The following NUDCD3 variants were observed in gnomAD, a reference collection of about 807,000 sequenced individuals.
NUDCD3 encodes the protein NudC domain containing 3.
Under a neutral mutation model 39.7 loss-of-function variants are expected in NUDCD3, and 13 were observed. The observed-to-expected ratio is 0.33, with a 90% confidence interval of 0.21 to 0.52. The LOEUF (loss-of-function observed/expected upper bound fraction) is 0.52. Ranked by LOEUF, NUDCD3 falls within the 20% of genes least tolerant of loss-of-function variation. NUDCD3 has a pLI of 0.96. For synonymous variants in NUDCD3, 175 were observed against 172.4 expected, an observed-to-expected ratio of 1.02 and a Z score of -0.12; for missense variants, 453 against 458.1, an observed-to-expected ratio of 0.99 and a Z score of 0.10.
In NUDCD3 at chr7:44,384,549, C is replaced by T. The variant is rs1798367581; in HGVS notation, c.*1462G>A. 1 of 152,290 alleles carries T rather than the reference C, an allele frequency of 6.6e-6. No homozygotes were observed. The highest frequency in any genetic ancestry group is 2.4e-5 in the African/African-American group (1 of 41,458). 9.4% of individuals were successfully genotyped at this position (152,290 alleles called of 1,614,324 possible). Reference sequence around the variant, plus strand: ...TTCTTACAAGGGGTGTCAGCCACCACTGTAAACCAGAAACAAACCACAAAC... The same window carrying T: ...TTCTTACAAGGGGTGTCAGCCACCATTGTAAACCAGAAACAAACCACAAAC... On this transcript the variant is annotated 3_prime_UTR_variant, in exon 6 of 6. Transcript: ENST00000355451.
rs899153630 is a variant in NUDCD3 at position 44,486,288 on chromosome 7, G to A, written c.193-1004C>T. On this transcript the variant is annotated intron_variant, in intron 1 of 5. Coordinates refer to ENST00000355451, the MANE Select transcript of NUDCD3 (RefSeq NM_015332.4). ...TAAATAACAATGTTCTGTGCACTGC[G>A]CGGGCAGTCAAAAGGGTGCTAACAG... Among the ~76,000 whole-genome samples the A allele has an allele frequency of 2.6e-5, 4 of 152,196 alleles. No individual in the cohort carries two copies. In the East Asian group the frequency reaches 5.8e-4, roughly 22 times the overall value.
chr7:44,479,851 G>T (rs1307518799), intron 2 of NUDCD3, among the ~76,000 whole-genome samples: 1 of 152,158 alleles, frequency 6.6e-6, no homozygotes, highest in Non-Finnish European at 1.5e-5. Context: ...TGCAGCTAAA[G>T]GTAGAACAAG....
intron 1 of NUDCD3, among the ~76,000 whole-genome samples, chr7:44,487,949 T>C (rs925486066): frequency 6.6e-6 from 1 of 150,570 alleles, no homozygotes; most frequent in Non-Finnish European, 1.5e-5. Flanking sequence ...TGAGACTCCA[T>C]CTCAAAAATA....
intron 4 of NUDCD3, among the ~76,000 whole-genome samples, chr7:44,402,079 C>A (rs749597538): frequency 3.0e-4 from 45 of 152,236 alleles, no homozygotes; most frequent in Non-Finnish European, 5.3e-4. Flanking sequence ...CAGGTCTGAG[C>A]CTTCTCCAGA....
intron 2 of NUDCD3, among the ~76,000 whole-genome samples, chr7:44,452,808 C>G (rs1024871730): frequency 3.9e-5 from 6 of 152,214 alleles, no homozygotes; most frequent in Non-Finnish European, 7.3e-5. Flanking sequence ...AGAACTCACA[C>G]ACACAAAAGG....
At chr7:44,444,514 T>A (rs1360741066) in intron 2 of NUDCD3, among the ~76,000 whole-genome samples, 1 of 152,160 alleles carries the variant, frequency 6.6e-6, no homozygotes, top group Non-Finnish European at 1.5e-5. Context: ...CTCAACAAAC[T>A]CGAGTTTGCT....
intron 3 of NUDCD3, among the ~76,000 whole-genome samples, chr7:44,409,113 A>C (rs1798878252): frequency 6.6e-6 from 1 of 152,204 alleles, no homozygotes; most frequent in Non-Finnish European, 1.5e-5. Flanking sequence ...AAAAGCTTTG[A>C]CATTTTCCCA....
At chr7:44,470,870 G>A (rs1169652585) in intron 2 of NUDCD3, among the ~76,000 whole-genome samples, 3 of 152,222 alleles carry the variant, frequency 2.0e-5, no homozygotes, top group Non-Finnish European at 4.4e-5. Flanking sequence ...ACAACTCTGA[G>A]TTGCCCTAAG....
At chr7:44,480,979 GAAAA>G (rs781601614) in intron 2 of NUDCD3, among the ~76,000 whole-genome samples, 1 of 88,800 alleles carries the variant, frequency 1.1e-5, no homozygotes, top group African/African-American at 4.2e-5. Context: ...CCAAAAATTT[GAAAA>G]AAAAAAAAAA....
intron 2 of NUDCD3, among the ~76,000 whole-genome samples, chr7:44,462,964 TG>T (rs1800045792): frequency 6.6e-6 from 1 of 151,294 alleles, no homozygotes; most frequent in Non-Finnish European, 1.5e-5. Context: ...TGTGTGTGTG[TG>T]TGTGTGTGTG....
rs1056382771 is a variant in NUDCD3 at position 44,379,248 on chromosome 7, T to C, written c.*6763A>G. 50 of 150,766 alleles carry C rather than the reference T, an allele frequency of 3.3e-4. 1 individual carries two copies. Among genetic ancestry groups the C allele is most frequent in the African/African-American group, 1.2e-3 (49 of 40,906 alleles). 9.3% of individuals were successfully genotyped at this position (150,766 alleles called of 1,614,324 possible). A position where few individuals can be genotyped will look rare whatever the true frequency, so the allele number is the denominator to read the frequency against. ...CAGGAGGATCACTTGAGCCCAGAGGTTTGAGTCCAGTCTGGGCAACACAGG... is the reference window on the plus strand; with the variant it reads ...CAGGAGGATCACTTGAGCCCAGAGGCTTGAGTCCAGTCTGGGCAACACAGG... On this transcript the variant is annotated 3_prime_UTR_variant, in exon 6 of 6. Coordinates refer to ENST00000355451, the MANE Select transcript of NUDCD3 (RefSeq NM_015332.4).
At chr7:44,436,198 AATTAT>A (rs1320954904) in intron 2 of NUDCD3, among the ~76,000 whole-genome samples, 1 of 152,198 alleles carries the variant, frequency 6.6e-6, no homozygotes, top group Non-Finnish European at 1.5e-5. Flanking sequence ...AAGATAAGAT[AATTAT>A]ATTAAATTTA....
intron 5 of NUDCD3, among the ~76,000 whole-genome samples, chr7:44,386,657 A>G (rs148865571): frequency 1.3e-5 from 2 of 152,348 alleles, no homozygotes; most frequent in East Asian, 3.9e-4. Context: ...AGGATGTGGC[A>G]CGGAGGAAGA....
At chr7:44,387,855 G>A (rs191602702) in intron 5 of NUDCD3, among the ~76,000 whole-genome samples, 1 of 152,308 alleles carries the variant, frequency 6.6e-6, no homozygotes, top group African/African-American at 2.4e-5. Context: ...CAGAGACCAT[G>A]CTAATGCTAT....
intron 2 of NUDCD3, among the ~76,000 whole-genome samples, chr7:44,455,468 T>G (rs1314259502): frequency 1.3e-5 from 2 of 152,040 alleles, no homozygotes; most frequent in Non-Finnish European, 2.9e-5. Flanking sequence ...GGCCCAGGAC[T>G]GCTACCTCTT....
In NUDCD3 at chr7:44,383,599, T is replaced by C. The variant is rs1222687013; in HGVS notation, c.*2412A>G. On this transcript the variant is annotated 3_prime_UTR_variant, in exon 6 of 6. Transcript: ENST00000355451. ...ACACGCAGACCCAGAACTGCTTAAA[T>C]ACCAATTTATTGCAAACCAACACCA... The C allele has an allele frequency of 6.6e-6, 1 of 152,216 alleles. No individual in the cohort carries two copies. The highest frequency in any genetic ancestry group is 1.5e-5 in the Non-Finnish European group (1 of 68,060). 9.4% of individuals were successfully genotyped at this position (152,216 alleles called of 1,614,324 possible). A position where few individuals can be genotyped will look rare whatever the true frequency, so the allele number is the denominator to read the frequency against.
At chr7:44,390,150 A>G (rs894593331) in intron 5 of NUDCD3, among the ~76,000 whole-genome samples, 7 of 152,072 alleles carry the variant, frequency 4.6e-5, no homozygotes, top group African/African-American at 1.2e-4. Flanking sequence ...GGATCATCTG[A>G]GGTCAGGAGT....
At chr7:44,456,175 T>C (rs1049248201) in intron 2 of NUDCD3, among the ~76,000 whole-genome samples, 14 of 150,210 alleles carry the variant, frequency 9.3e-5, no homozygotes, top group Middle Eastern at 3.4e-3. Context: ...GAGGAAGTCA[T>C]GTGTGGGTTT....
Position 44,392,363 on chromosome 7 carries a change from C to T in NUDCD3, c.909G>A (p.Ala303=), listed in dbSNP as rs768636456. 2.9e-5 allele frequency: 47 copies of T among 1,614,064 alleles called. No homozygotes were observed. Among genetic ancestry groups the T allele is most frequent in the East Asian group, 8.9e-5 (4 of 44,896 alleles). ...AGTCAAAGGTAAGCCTGTCCAACAC[C>T]GCCTGTTCCTCCTCATCCACGGTGG... is the stretch of plus-strand genomic sequence containing the variant. The part of the protein sequence containing the change: ...SMATVDEEEQ[A]VLDRLTFDYH... Residue 303 remains alanine (A), a synonymous_variant, in exon 5 of 6, where the codon GCG becomes GCA. Coordinates refer to ENST00000355451, the MANE Select transcript of NUDCD3 (RefSeq NM_015332.4).
Sources: allele counts gnomAD v4.1 joint callset (sites outside exome capture counted in the v4.1 genomes callset), GRCh38; gene constraint gnomAD v4.1.1; transcripts MANE v1.5; gene names NCBI Gene and HGNC (gene_info 2026-07-23, HGNC 2026-07-21).